RTN3: variants seen among roughly 807,000 people sequenced by gnomAD.
The protein encoded by RTN3 is reticulon 3, also known as reticulon-3.
RTN3 carries 49 observed loss-of-function variants against 77.8 expected under a neutral mutation model. The ratio of observed to expected loss-of-function variants is 0.63; its 90% CI spans 0.50 to 0.80. RTN3 has a LOEUF of 0.80. Ranked by LOEUF, RTN3 falls within the 30% of genes least tolerant of loss-of-function variation. RTN3 has a pLI of 0.00. For synonymous variants in RTN3, 464 were observed against 446.9 expected (o/e 1.04, Z -0.48); for missense variants, 1,236 against 1,211.9 (o/e 1.02, Z -0.29).
At chr11:63,721,534 C>T (rs1219663929) in intron 3 of RTN3, among the ~76,000 whole-genome samples, 1 of 142,334 alleles carries the variant, frequency 7.0e-6, no homozygotes, top group African/African-American at 2.7e-5. Context: ...GAGATCGCGC[C>T]AGTACACTCC....
intron 1 of RTN3, among the ~76,000 whole-genome samples, chr11:63,695,376 T>C (rs1048780174): frequency 6.6e-6 from 1 of 152,142 alleles, no homozygotes; most frequent in Non-Finnish European, 1.5e-5. Context: ...AATGAATAAA[T>C]AAAAATCAGC....
intron 3 of RTN3, among the ~76,000 whole-genome samples, chr11:63,746,290 C>T (rs944980551): frequency 5.3e-5 from 8 of 152,184 alleles, no homozygotes; most frequent in Non-Finnish European, 1.0e-4. Flanking sequence ...AAGGAAGTCC[C>T]GTATAATCTG....
chr11:63,724,011 G>A (rs2012019368), intron 3 of RTN3, among the ~76,000 whole-genome samples: 1 of 152,054 alleles, frequency 6.6e-6, no homozygotes, highest in African/African-American at 2.4e-5. Flanking sequence ...ACCTAGTGTA[G>A]TGAAGATAGT....
chr11:63,702,810 T>G (rs1040585469), intron 1 of RTN3, among the ~76,000 whole-genome samples: 3 of 151,694 alleles, frequency 2.0e-5, no homozygotes, highest in Middle Eastern at 3.4e-3. Flanking sequence ...CTCAGCTTCC[T>G]GAGTAGCTGG....
At chr11:63,686,439 C>T (rs1391439232) in intron 1 of RTN3, among the ~76,000 whole-genome samples, 3 of 148,008 alleles carry the variant, frequency 2.0e-5, no homozygotes, top group Admixed American at 1.4e-4. Flanking sequence ...CCACTGCACT[C>T]CGGCCTGGGG....
intron 2 of RTN3, among the ~76,000 whole-genome samples, chr11:63,708,635 C>T (rs1007220026): frequency 2.0e-5 from 3 of 152,250 alleles, no homozygotes; most frequent in African/African-American, 4.8e-5. Flanking sequence ...AGTTGTACTG[C>T]TTTGAGAATA....
intron 1 of RTN3, among the ~76,000 whole-genome samples, chr11:63,700,080 A>C (rs2134698455): frequency 6.6e-6 from 1 of 152,188 alleles, no homozygotes; most frequent in African/African-American, 2.4e-5. Flanking sequence ...TTCCATTAGG[A>C]GGGAGTGGTG....
chr11:63,703,226 T>C (rs901636374), intron 1 of RTN3, among the ~76,000 whole-genome samples: 1 of 152,238 alleles, frequency 6.6e-6, no homozygotes, highest in African/African-American at 2.4e-5. Context: ...ATGATGTGTG[T>C]AGGTTATATG....
intron 1 of RTN3, among the ~76,000 whole-genome samples, chr11:63,696,301 G>A (rs1941936238): frequency 6.6e-6 from 1 of 151,768 alleles, no homozygotes; most frequent in Non-Finnish European, 1.5e-5. Flanking sequence ...GGAGGCTGAG[G>A]CAGGAGAATC....
intron 3 of RTN3, among the ~76,000 whole-genome samples, chr11:63,736,729 A>G (rs971142065): frequency 1.3e-5 from 2 of 152,190 alleles, no homozygotes; most frequent in Admixed American, 6.6e-5. Flanking sequence ...TGTCTAGGTT[A>G]TATGCAAATA....
intron 3 of RTN3, among the ~76,000 whole-genome samples, chr11:63,735,039 CT>C (rs992826635): frequency 6.6e-6 from 1 of 151,568 alleles, no homozygotes; most frequent in Admixed American, 6.6e-5. Flanking sequence ...AAAAAAAAAA[CT>C]TTTTTTGAGA....
intron 8 of RTN3, among the ~76,000 whole-genome samples, chr11:63,757,782 C>T (rs1331391193): frequency 2.8e-5 from 4 of 142,780 alleles, no homozygotes; most frequent in South Asian, 2.2e-4. Context: ...TGCAGTGGTG[C>T]GATGTCTGCT....
chr11:63,684,128 GGT>G lies in RTN3; in HGVS notation c.142+2351_142+2352del, dbSNP rs1941227765. ...CACCACGCGTGGTTAATTTTCTTTT[GGT>G]TTTTTTTTTTTTTTTTTTTTTTTTG... On this transcript the variant is annotated intron_variant, in intron 1 of 8. Coordinates refer to ENST00000377819, the MANE Select transcript of RTN3 (RefSeq NM_001265589.2). 3.5e-4 allele frequency among the ~76,000 whole-genome samples: 7 copies of G among 19,934 alleles called. No individual in the cohort carries two copies. The South Asian group carries it at 9.7e-3, about 28-fold the overall frequency. The allele number at this position is 19,934 out of a possible 152,430, so 13.1% of individuals were successfully genotyped here.
chr11:63,743,556 T>C (rs2013612886), intron 3 of RTN3, among the ~76,000 whole-genome samples: 1 of 152,214 alleles, frequency 6.6e-6, no homozygotes, highest in Non-Finnish European at 1.5e-5. Flanking sequence ...AACACCTCAG[T>C]CATGATGTAG....
chr11:63,725,571 C>T (rs1248723844), intron 3 of RTN3, among the ~76,000 whole-genome samples: 1 of 152,106 alleles, frequency 6.6e-6, no homozygotes, highest in African/African-American at 2.4e-5. Context: ...GCCTCAGCCT[C>T]CTGAGTAGCT....
chr11:63,747,937 T>A (rs933481028), intron 3 of RTN3, among the ~76,000 whole-genome samples: 1 of 152,186 alleles, frequency 6.6e-6, no homozygotes, highest in African/African-American at 2.4e-5. Context: ...AAGCCCTTGC[T>A]CTTTTTTGAG....
intron 3 of RTN3, among the ~76,000 whole-genome samples, chr11:63,747,517 A>G (rs1460905847): frequency 6.6e-6 from 1 of 152,128 alleles, no homozygotes; most frequent in African/African-American, 2.4e-5. Context: ...TCTCCTAGTA[A>G]GTTGCATCCC....
intron 3 of RTN3, among the ~76,000 whole-genome samples, chr11:63,745,540 A>C (rs974462702): frequency 6.6e-6 from 1 of 152,204 alleles, no homozygotes; most frequent in African/African-American, 2.4e-5. Context: ...CATTCCAGAC[A>C]GAGGCTTGAT....
chr11:63,691,114 C>CTTTTTTTTT (rs796809025), intron 1 of RTN3, among the ~76,000 whole-genome samples: 9 of 91,900 alleles, frequency 9.8e-5, no homozygotes, highest in Non-Finnish European at 1.5e-4. Flanking sequence ...ATTGCTAATT[C>CTTTTTTTTT]TTTTTTTTTT....
Sources: allele counts gnomAD v4.1 joint callset (sites outside exome capture counted in the v4.1 genomes callset), GRCh38; gene constraint gnomAD v4.1.1; transcripts MANE v1.5; gene names NCBI Gene and HGNC (gene_info 2026-07-23, HGNC 2026-07-21).